Variants in HSD17B4 observed in about 807,000 individuals in gnomAD.
The protein encoded by HSD17B4 is hydroxysteroid 17-beta dehydrogenase 4.
Under a neutral mutation model 101.0 loss-of-function variants are expected in HSD17B4, and 70 were observed. That is an observed-to-expected ratio of 0.69 (90% CI 0.57 to 0.85). HSD17B4 has a LOEUF of 0.85. Ranked by LOEUF, HSD17B4 falls within the 40% of genes least tolerant of loss-of-function variation. The pLI is 0.00. For synonymous variants in HSD17B4, 347 were observed against 297.1 expected, an observed-to-expected ratio of 1.17 and a Z score of -1.73; for missense variants, 984 against 892.4, an observed-to-expected ratio of 1.10 and a Z score of -1.31.
At chr5:119,502,229 T>C in intron 14 of HSD17B4, 137 bp downstream of exon 14, 5 of 669,874 alleles carry the variant, frequency 7.5e-6, no homozygotes, top group South Asian at 5.2e-5. Context: ...ATGTGAGCCA[T>C]TAGAGTAGAC....
chr5:119,477,383 C>CA (rs1268153461), intron 6 of HSD17B4, 34 bp from the exon 7 acceptor site: 2 of 1,439,952 alleles, frequency 1.4e-6, no homozygotes, highest in Non-Finnish European at 9.7e-7. Flanking sequence ...TAAGTTTTTA[C>CA]AAAATATTTA....
chr5:119,526,769 C>G (rs775088875), intron 19 of HSD17B4, among the ~76,000 whole-genome samples: 1 of 151,878 alleles, frequency 6.6e-6, no homozygotes, highest in Non-Finnish European at 1.5e-5. Context: ...CCTGCATACT[C>G]ACCCCAGGCC....
chr5:119,523,149 G>A (rs187011991), intron 17 of HSD17B4, among the ~76,000 whole-genome samples: 6 of 150,782 alleles, frequency 4.0e-5, no homozygotes, highest in African/African-American at 1.5e-4. Context: ...TTTTTTTTTC[G>A]AGGATATGAG....
At chr5:119,452,747 G>A in intron 1 of HSD17B4, 114 bp downstream of exon 1, 2 of 1,591,986 alleles carry the variant, frequency 1.3e-6, no homozygotes, top group Non-Finnish European at 1.7e-6. Context: ...AGGTGGTGGG[G>A]AGGGGAATGG....
intron 2 of HSD17B4, among the ~76,000 whole-genome samples, chr5:119,467,198 G>A (rs779781672): frequency 1.2e-4 from 18 of 152,186 alleles, no homozygotes; most frequent in Admixed American, 9.8e-4. Flanking sequence ...ATGGTCTGTT[G>A]CGGAGAATGT....
rs184019172 is a variant in HSD17B4 at position 119,521,657 on chromosome 5, T to G, written c.1504-3559T>G. Among the ~76,000 whole-genome samples, 454 of 152,110 alleles carry G rather than the reference T, an allele frequency of 3.0e-3. 4 individuals carry two copies. The highest frequency in any genetic ancestry group is 0.01 in the African/African-American group (430 of 41,574). ...TTGAATGTGTTCTCCTTTGGGTACC[T>G]TATAATTTAGTCTTCATTTCTTATA... is the stretch of plus-strand genomic sequence containing the variant. On this transcript the variant is annotated intron_variant, in intron 17 of 23. Coordinates refer to ENST00000510025, the MANE Select transcript of HSD17B4 (RefSeq NM_000414.4).
intron 17 of HSD17B4, among the ~76,000 whole-genome samples, 200 bp downstream of exon 17, chr5:119,515,246 A>G (rs1752514979): frequency 6.6e-6 from 1 of 152,092 alleles, no homozygotes; most frequent in African/African-American, 2.4e-5. Context: ...TTCCCACTAG[A>G]TACCAAAATA....
At chr5:119,502,428 A>G (rs1020776563) in intron 14 of HSD17B4, among the ~76,000 whole-genome samples, 27 of 152,078 alleles carry the variant, frequency 1.8e-4, no homozygotes, top group Admixed American at 9.2e-4. Context: ...TTCTTTTCTC[A>G]GGTATTTATC....
At chr5:119,515,459 G>A (rs1159724524) in intron 17 of HSD17B4, among the ~76,000 whole-genome samples, 1 of 152,054 alleles carries the variant, frequency 6.6e-6, no homozygotes, top group Non-Finnish European at 1.5e-5. Context: ...ATGCCACACT[G>A]CTTGGAAACA....
At chr5:119,471,296 A>G (rs1756340682) in intron 2 of HSD17B4, among the ~76,000 whole-genome samples, 1 of 152,094 alleles carries the variant, frequency 6.6e-6, no homozygotes, top group Non-Finnish European at 1.5e-5. Flanking sequence ...TCTTTCTATT[A>G]TTTTGTGTCT....
At chr5:119,535,533 C>G (rs78347528) in intron 22 of HSD17B4, among the ~76,000 whole-genome samples, 3,439 of 151,358 alleles carry the variant, frequency 0.023, 139 homozygotes, top group African/African-American at 0.079. Context: ...TTAGTTGATG[C>G]TTTTTTCATG....
At chr5:119,498,479 C>T (rs1750851798) in intron 12 of HSD17B4, among the ~76,000 whole-genome samples, 2 of 152,150 alleles carry the variant, frequency 1.3e-5, no homozygotes, top group Admixed American at 1.3e-4. Flanking sequence ...TTTATATGTA[C>T]TTCACTTATT....
chr5:119,491,333 C>T lies in HSD17B4; in HGVS notation c.715-767C>T, dbSNP rs936812128. Among the ~76,000 whole-genome samples the T allele has an allele frequency of 1.3e-4, 20 of 152,054 alleles. 1 individual carries two copies. Among genetic ancestry groups the T allele is most frequent in the African/African-American group, 3.1e-4 (13 of 41,386 alleles). The stretch of plus-strand genomic sequence containing the variant: ...AAAAGCCACACCCTTGAACTTAGAG[C>T]CACTAAGATGTCTGCTGATACATTT... On this transcript the variant is annotated intron_variant, in intron 9 of 23. Coordinates refer to ENST00000510025, the MANE Select transcript of HSD17B4 (RefSeq NM_000414.4).
At chr5:119,525,687 G>T in intron 18 of HSD17B4, 1 of 563,680 alleles carries the variant, frequency 1.8e-6, no homozygotes, top group Non-Finnish European at 3.1e-6. Context: ...TGTGTTTCCA[G>T]ATCTCTCACA....
At chr5:119,492,517 A>T (rs952516441) in intron 10 of HSD17B4, 2 of 182,656 alleles carry the variant, frequency 1.1e-5, no homozygotes, top group African/African-American at 4.7e-5. Context: ...GGTTGAGCCT[A>T]TTCTAGAGCA....
At chr5:119,503,536 C>T (rs907807182) in intron 14 of HSD17B4, among the ~76,000 whole-genome samples, 3 of 152,058 alleles carry the variant, frequency 2.0e-5, no homozygotes, top group Admixed American at 1.3e-4. Context: ...ACCAAGGTCA[C>T]GACTACTGTT....
intron 2 of HSD17B4, among the ~76,000 whole-genome samples, chr5:119,458,762 C>T (rs769643134): frequency 2.3e-4 from 35 of 152,120 alleles, no homozygotes; most frequent in Admixed American, 3.9e-4. Flanking sequence ...ATAAGAACTG[C>T]TAAGCCTTAG....
chr5:119,476,696 G>A (rs780616323), intron 6 of HSD17B4: 126 of 985,512 alleles, frequency 1.3e-4, no homozygotes, highest in Non-Finnish European at 1.4e-4. Context: ...CTATGTTGGT[G>A]CTTTTCTTGG....
intron 18 of HSD17B4, 194 bp from the exon 19 acceptor site, chr5:119,525,723 T>C (rs1753529686): frequency 5.2e-6 from 3 of 573,044 alleles, no homozygotes; most frequent in Non-Finnish European, 9.3e-6. Flanking sequence ...GTTTTTTTTT[T>C]TTCTTTCTTT....
Sources: gnomAD v4.1 joint callset for allele counts (sites outside exome capture counted in the v4.1 genomes callset) on GRCh38, gnomAD v4.1.1 for gene constraint, MANE v1.5 for transcripts, NCBI Gene and HGNC (gene_info 2026-07-23, HGNC 2026-07-21) for gene names.